Variants in TMPRSS11A observed in about 807,000 individuals in gnomAD.
TMPRSS11A encodes the protein transmembrane serine protease 11A.
TMPRSS11A carries 53 observed loss-of-function variants against 58.9 expected under a neutral mutation model. That is an observed-to-expected ratio of 0.90 (90% CI 0.72 to 1.13). TMPRSS11A has a LOEUF of 1.13. Among genes scored for constraint, TMPRSS11A ranks in the 50% most tolerant of loss-of-function variants. The probability of loss-of-function intolerance (pLI) is 0.00; values close to 1 mark genes in which losing one functional copy is unlikely to be tolerated. For missense variants in TMPRSS11A, 493 were observed against 499.3 expected (o/e 0.99, Z 0.12); for synonymous variants, 167 against 169.8 (o/e 0.98, Z 0.13).
chr4:67,930,097 A>G (rs17578509), intron 4 of TMPRSS11A, 57 bp from the exon 5 acceptor site: 200,736 of 1,512,462 alleles, frequency 0.13, 13,795 homozygotes, highest in East Asian at 0.22. Flanking sequence ...ATTGTCCTTC[A>G]GTCTTACCTG....
At chr4:67,952,859 C>T (rs1021420970) in intron 1 of TMPRSS11A, among the ~76,000 whole-genome samples, 1 of 152,086 alleles carries the variant, frequency 6.6e-6, no homozygotes, top group Non-Finnish European at 1.5e-5. Flanking sequence ...AATAGTGTTT[C>T]CAAGTAGTGG....
intron 3 of TMPRSS11A, 36 bp downstream of exon 3, chr4:67,944,483 A>T: frequency 1.3e-6 from 2 of 1,589,070 alleles, no homozygotes; most frequent in Non-Finnish European, 1.7e-6. Context: ...TTCCACTTGC[A>T]TTATTCTATG....
intron 4 of TMPRSS11A, among the ~76,000 whole-genome samples, chr4:67,931,458 A>G (rs1248603136): frequency 6.6e-6 from 1 of 152,156 alleles, no homozygotes; most frequent in African/African-American, 2.4e-5. Context: ...TCTGAGCAAT[A>G]TCTGCAACTG....
intron 7 of TMPRSS11A, among the ~76,000 whole-genome samples, chr4:67,922,005 T>C (rs1720343914): frequency 6.6e-6 from 1 of 152,254 alleles, no homozygotes; most frequent in Non-Finnish European, 1.5e-5. Context: ...TAAAAAGTCA[T>C]TTAATCATAT....
Position 67,932,019 on chromosome 4 carries a change from A to G in TMPRSS11A, c.294T>C (p.Tyr98=), listed in dbSNP as rs775824846. The G allele has an allele frequency of 1.9e-6, 3 of 1,605,514 alleles. No homozygotes were observed. The highest frequency in any genetic ancestry group is 2.2e-5 in the South Asian group (2 of 90,752). The change falls in exon 4 of 10, where the codon TAT becomes TAC. Residue 98 remains tyrosine, a synonymous_variant. Transcript: ENST00000508048. ...TCAGTCTGACTACTTGGTTCTTGAT[A>G]TAATTTTTCTTCCAGGCTGAATCTA... ...IFIDSAWKKN[Y]IKNQVVRLTP...
chr4:67,947,398 T>C (rs1417602940), intron 1 of TMPRSS11A, among the ~76,000 whole-genome samples: 1 of 152,128 alleles, frequency 6.6e-6, no homozygotes, highest in Non-Finnish European at 1.5e-5. Flanking sequence ...GCTTCTTTTT[T>C]AGTTTTTAAT....
chr4:67,937,976 T>C (rs1427913233), intron 3 of TMPRSS11A, among the ~76,000 whole-genome samples: 2 of 152,190 alleles, frequency 1.3e-5, no homozygotes, highest in Non-Finnish European at 2.9e-5. Flanking sequence ...CTTTGAGAAG[T>C]CTCCAAACTG....
intron 5 of TMPRSS11A, among the ~76,000 whole-genome samples, chr4:67,928,634 T>C (rs1720532934): frequency 1.3e-5 from 2 of 152,222 alleles, no homozygotes; most frequent in South Asian, 4.1e-4. Flanking sequence ...AGAAGATGGA[T>C]TAAGCACTTG....
rs537154914 is a variant in TMPRSS11A, at chr4:67,926,586, C to T, written c.482-2420G>A. On this transcript the variant is annotated intron_variant, in intron 5 of 9. Coordinates refer to ENST00000508048, the MANE Select transcript of TMPRSS11A (RefSeq NM_001114387.2). ...CCAACCTCACGTGACCAGGCAGGAC[C>T]TGCTCCCAGGCCTGGAGCCTCTCCT... Among the ~76,000 whole-genome samples the T allele has an allele frequency of 4.6e-5, 7 of 152,332 alleles. No individual in the cohort carries two copies. In the South Asian group the frequency reaches 1.0e-3, roughly 23 times the overall value.
At chr4:67,926,303 A>G (rs892841397) in intron 5 of TMPRSS11A, among the ~76,000 whole-genome samples, 25 of 152,174 alleles carry the variant, frequency 1.6e-4, no homozygotes, top group African/African-American at 6.0e-4. Flanking sequence ...TTATTTCTAG[A>G]CTTAATCTAG....
At chr4:67,949,955 T>G (rs1210086557) in intron 1 of TMPRSS11A, among the ~76,000 whole-genome samples, 1 of 152,228 alleles carries the variant, frequency 6.6e-6, no homozygotes, top group African/African-American at 2.4e-5. Flanking sequence ...TGGTAAATCC[T>G]TTTGGGATCT....
chr4:67,939,567 T>C (rs1468548806), intron 3 of TMPRSS11A, among the ~76,000 whole-genome samples: 1 of 152,216 alleles, frequency 6.6e-6, no homozygotes, highest in Admixed American at 6.5e-5. Context: ...CAGATGGCTC[T>C]TATTATTTTG....
At chr4:67,962,017 A>C (rs1721441773) in intron 1 of TMPRSS11A, among the ~76,000 whole-genome samples, 1 of 152,178 alleles carries the variant, frequency 6.6e-6, no homozygotes, top group African/African-American at 2.4e-5. Flanking sequence ...AAAACTGGAA[A>C]TCCTGTTTTA....
chr4:67,950,102 A>T (rs559428399), intron 1 of TMPRSS11A, among the ~76,000 whole-genome samples: 1 of 152,348 alleles, frequency 6.6e-6, no homozygotes, highest in South Asian at 2.1e-4. Context: ...AGATCAAAGC[A>T]ACACCTATTT....
At position 67,930,019 on chromosome 4, in the gene TMPRSS11A, T is replaced by A. The variant is rs771027137; in HGVS notation, c.342A>T (p.Lys114Asn). ...ACTGGAACACCATAATGACATCTAC[T>A]TTCACACCATCTTCCTCTGGACTGT... ...VRLTPEEDGV[K>N]VDVIMVFQFP... Residue 114 changes from lysine (K) to asparagine (N), a missense_variant, in exon 5 of 10, where the codon AAA (lysine) becomes AAT (asparagine). By Grantham distance (94) the Lys-to-Asn change is moderately conservative (BLOSUM62 0). Transcript: ENST00000508048. 2 of 1,612,738 alleles carry A rather than the reference T, an allele frequency of 1.2e-6. No homozygotes were observed. Among genetic ancestry groups the A allele is most frequent in the South Asian group, 2.2e-5 (2 of 90,832 alleles).
rs530792086 is a variant in TMPRSS11A, at chr4:67,912,892, T to C, written c.1096-1389A>G. 3.9e-5 allele frequency among the ~76,000 whole-genome samples: 6 copies of C among 152,238 alleles called. No individual in the cohort carries two copies. The East Asian group carries it at 1.2e-3, about 29-fold the overall frequency. On this transcript the variant is annotated intron_variant, in intron 9 of 9. Coordinates refer to ENST00000508048, the MANE Select transcript of TMPRSS11A (RefSeq NM_001114387.2). ...CTTTATTTTTTTTTATATTGTACAC[T>C]CGCGTTTTATGTTTTCAGAGCTCCT...
rs1720632642 is a variant in TMPRSS11A, at chr4:67,931,870, T to C, written c.320+123A>G. 4.7e-6 allele frequency: 3 copies of C among 637,148 alleles called. No individual in the cohort carries two copies. In the Admixed American group the frequency reaches 7.3e-5, roughly 15 times the overall value. The allele number at this position is 637,148 out of a possible 1,614,324, so 39.5% of individuals were successfully genotyped here. ...TACTTCAAGACTGCTTTAAAGGTAA[T>C]GTTTATGAAAAATTCTAGCCAAAAG... On this transcript the variant is annotated intron_variant, in intron 4 of 9. Coordinates refer to ENST00000508048, the MANE Select transcript of TMPRSS11A (RefSeq NM_001114387.2).
chr4:67,932,818 T>G lies in TMPRSS11A; in HGVS notation c.253-758A>C, dbSNP rs142442568. Among the ~76,000 whole-genome samples the G allele has an allele frequency of 2.0e-3, 302 of 152,174 alleles. 4 individuals are homozygous for G. The highest frequency in any genetic ancestry group is 6.9e-3 in the African/African-American group (288 of 41,530). ...AAAAGAATTAGGTGGTATTCCAGTA[T>G]TAGGTCAAATTTGTTACTCAGTTTA... On this transcript the variant is annotated intron_variant, in intron 3 of 9. Transcript: ENST00000508048.
At chr4:67,958,499 C>T (rs1721343456) in intron 1 of TMPRSS11A, among the ~76,000 whole-genome samples, 1 of 152,224 alleles carries the variant, frequency 6.6e-6, no homozygotes, top group East Asian at 1.9e-4. Flanking sequence ...CCTTTGGCCC[C>T]TTCATTTTGG....
Sources: gnomAD v4.1 joint callset for allele counts (sites outside exome capture counted in the v4.1 genomes callset) on GRCh38, gnomAD v4.1.1 for gene constraint, MANE v1.5 for transcripts, NCBI Gene and HGNC (gene_info 2026-07-23, HGNC 2026-07-21) for gene names.